MAP3K13: variants seen among roughly 807,000 people sequenced by gnomAD.
The protein encoded by MAP3K13 is mitogen-activated protein kinase kinase kinase 13.
In MAP3K13, 52 loss-of-function variants were observed where a neutral mutation model predicts 104.0. The ratio of observed to expected loss-of-function variants is 0.50; its 90% CI spans 0.40 to 0.63. The LOEUF (loss-of-function observed/expected upper bound fraction) is 0.63. Ranked by LOEUF, MAP3K13 falls within the 20% of genes least tolerant of loss-of-function variation. The pLI is 0.00. For synonymous variants in MAP3K13, 394 were observed against 442.2 expected (o/e 0.89, Z 1.37); for missense variants, 914 against 1,218.5 (o/e 0.75, Z 3.72).
chr3:185,427,372 GA>G (rs369398926), intron 1 of MAP3K13, among the ~76,000 whole-genome samples: 21 of 149,740 alleles, frequency 1.4e-4, no homozygotes, highest in East Asian at 9.8e-4. Context: ...TCAAAAAAAA[GA>G]AAAAAAAACA....
In MAP3K13 at chr3:185,397,355, G is replaced by T. The variant is rs148413641; in HGVS notation, c.-85-31142G>T. On this transcript the variant is annotated intron_variant, in intron 1 of 13. Coordinates refer to ENST00000265026, the MANE Select transcript of MAP3K13 (RefSeq NM_004721.5). ...GATGAGGAAATTGAGGCCTGGAGAG[G>T]TTAAGTGACTTGCCCAAGGCCAAAC... Among the ~76,000 whole-genome samples the T allele has an allele frequency of 4.8e-3, 726 of 152,272 alleles. 7 individuals are homozygous for T. The highest frequency in any genetic ancestry group is 0.016 in the African/African-American group (674 of 41,550).
intron 7 of MAP3K13, among the ~76,000 whole-genome samples, chr3:185,455,039 TATATATATGAGATATATGTGA>T (rs1716359715): frequency 1.0e-5 from 1 of 96,596 alleles, no homozygotes; most frequent in African/African-American, 4.3e-5. Context: ...ATATATATGA[TATATATATGAGATATATGTGA>T]GATATATATG....
At position 185,473,184 on chromosome 3, in the gene MAP3K13, C is replaced by T; in HGVS notation, c.1853C>T (p.Pro618Leu). Residue 618 changes from proline (P) to leucine (L), a missense_variant, in exon 11 of 14, where the codon CCC becomes CTC. Physicochemically the swap from Pro to Leu is moderately conservative, Grantham distance 98 (BLOSUM62 -3). Transcript: ENST00000265026. The surrounding 1 kb of genome is among the most constrained non-coding windows in gnomAD (Gnocchi z 4.9). ...NQPAQENSPH[P>L]TYLHQAQSQY... ...CCAGCCCAGGAAAATTCACCCCATC[C>T]CACTTACCTGCACCAAGCTCAATCC... 1 of 1,614,152 alleles carries T rather than the reference C, an allele frequency of 6.2e-7. No homozygotes were observed. Among genetic ancestry groups the T allele is most frequent in the Non-Finnish European group, 8.5e-7 (1 of 1,180,024 alleles).
At chr3:185,383,435 A>G (rs1033987482) in intron 1 of MAP3K13, among the ~76,000 whole-genome samples, 52 of 151,880 alleles carry the variant, frequency 3.4e-4, no homozygotes, top group Admixed American at 2.7e-3. Flanking sequence ...GGTGGCGGGC[A>G]CCTGTAGTCC....
intron 7 of MAP3K13, among the ~76,000 whole-genome samples, chr3:185,455,059 G>GAT (rs1491272637): frequency 1.1e-5 from 1 of 92,346 alleles, no homozygotes; most frequent in South Asian, 3.4e-4. Flanking sequence ...AGATATATGT[G>GAT]AGATATATAT....
At chr3:185,342,567 A>ATCAGTGAC (rs2108721925) in intron 2 of MAP3K13, among the ~76,000 whole-genome samples, 1 of 152,326 alleles carries the variant, frequency 6.6e-6, no homozygotes, top group African/African-American at 2.4e-5. Flanking sequence ...AGGTCTATAA[A>ATCAGTGAC]TCATGCTTGA....
At position 185,482,110 on chromosome 3, in the gene MAP3K13, A is replaced by G. The variant is rs901473023; in HGVS notation, c.2800-245A>G. The stretch of plus-strand genomic sequence containing the variant: ...AAATAAATAAATAAGTAAAGTACTT[A>G]CAACAGTGCCTGGAGCATAGTAAAC... On this transcript the variant is annotated intron_variant, in intron 13 of 13. Transcript: ENST00000265026. This position sits in a 1 kb window ranked among gnomAD's most constrained non-coding sequence, Gnocchi z 4.5. Among the ~76,000 whole-genome samples the G allele has an allele frequency of 1.3e-4, 20 of 152,242 alleles. No individual in the cohort carries two copies. The highest frequency in any genetic ancestry group is 3.6e-4 in the African/African-American group (15 of 41,476).
Position 185,465,831 on chromosome 3 carries a change from G to C in MAP3K13, c.1473G>C (p.Leu491=). ...ACATGGAATTGAGTGCCATCATGCTGCAGCTAGAAATGCGGGAGAAGGAGC... is the reference window on the plus strand; with the variant it reads ...ACATGGAATTGAGTGCCATCATGCTCCAGCTAGAAATGCGGGAGAAGGAGC... ...NLYMELSAIM[L]QLEMREKELI... The change falls in exon 9 of 14, where the codon CTG becomes CTC. Residue 491 remains leucine (L), a synonymous_variant. Transcript: ENST00000265026. The C allele has an allele frequency of 1.2e-6, 2 of 1,613,986 alleles. No homozygotes were observed. Among genetic ancestry groups the C allele is most frequent in the Non-Finnish European group, 1.7e-6 (2 of 1,179,854 alleles).
At position 185,305,568 on chromosome 3, in the gene MAP3K13, G is replaced by A. The variant is rs1457777099; in HGVS notation, c.-86+19925G>A. The stretch of plus-strand genomic sequence containing the variant: ...GTATTACATGATTCTGTATTTACCT[G>A]TGTATTTACCTTTACAGAGAGCTTT... On this transcript the variant is annotated intron_variant, in intron 2 of 14. Coordinates refer to the MAP3K13 transcript ENST00000424227. Among the ~76,000 whole-genome samples the A allele has an allele frequency of 2.0e-5, 3 of 152,024 alleles. No homozygotes were observed. The East Asian group carries it at 5.8e-4, about 29-fold the overall frequency.
At position 185,473,877 on chromosome 3, in the gene MAP3K13, G is replaced by C. The variant is rs1717957733; in HGVS notation, c.2430+116G>C. Reference sequence around the variant, plus strand: ...AAGTATACATTTTGTAAAAGGACAAGATAACAGAAACATAAATAGAAATTT... The same window carrying C: ...AAGTATACATTTTGTAAAAGGACAACATAACAGAAACATAAATAGAAATTT... On this transcript the variant is annotated intron_variant, in intron 11 of 13. Coordinates refer to ENST00000265026, the MANE Select transcript of MAP3K13 (RefSeq NM_004721.5). The surrounding 1 kb of genome is among the most constrained non-coding windows in gnomAD (Gnocchi z 4.9). The C allele has an allele frequency of 8.8e-7, 1 of 1,140,232 alleles. No homozygotes were observed. The highest frequency in any genetic ancestry group is 2.4e-5 in the Admixed American group (1 of 41,178). The allele number at this position is 1,140,232 out of a possible 1,614,324, so 70.6% of individuals were successfully genotyped here.
At chr3:185,448,184 A>T in intron 5 of MAP3K13, 1 of 619,002 alleles carries the variant, frequency 1.6e-6, no homozygotes, top group Admixed American at 2.6e-5. Flanking sequence ...GGGACCTCAG[A>T]GAATATGCTG....
In MAP3K13 at chr3:185,446,185, G is replaced by C. The variant is rs143410454; in HGVS notation, c.852-1604G>C. On this transcript the variant is annotated intron_variant, in intron 4 of 13. Transcript: ENST00000265026. ...TCCCTGGTTCAAATGGAGAAGCAAG[G>C]GGATAGAGTCAGATGCTTTCTGCCT... Among the ~76,000 whole-genome samples the C allele has an allele frequency of 5.2e-3, 796 of 152,180 alleles. 7 individuals carry two copies. Among genetic ancestry groups the C allele is most frequent in the African/African-American group, 0.017 (715 of 41,530 alleles).
rs1323743521 is a variant in MAP3K13 at position 185,426,949 on chromosome 3, T to C, written c.-85-1548T>C. Among the ~76,000 whole-genome samples, 3 of 152,186 alleles carry C rather than the reference T, an allele frequency of 2.0e-5. No individual in the cohort carries two copies. In the East Asian group the frequency reaches 5.8e-4, roughly 29 times the overall value. On this transcript the variant is annotated intron_variant, in intron 1 of 13. Transcript: ENST00000265026. ...TCTTTCTTTTACCCCCTCTGCAAAA[T>C]GAGGTCATCTTCATACCCTGACCTC... is the stretch of plus-strand genomic sequence containing the variant.
intron 2 of MAP3K13, among the ~76,000 whole-genome samples, chr3:185,333,647 A>G (rs2108710505): frequency 6.6e-6 from 1 of 152,294 alleles, no homozygotes; most frequent in South Asian, 2.1e-4. Context: ...TAATCCCAAC[A>G]TTTTGAGAGG....
intron 2 of MAP3K13, among the ~76,000 whole-genome samples, chr3:185,342,329 T>C (rs1385497246): frequency 6.6e-6 from 1 of 152,242 alleles, no homozygotes; most frequent in Non-Finnish European, 1.5e-5. Flanking sequence ...TATACTCATC[T>C]GTCCCTTCTG....
chr3:185,463,415 T>C (rs1159470898), intron 7 of MAP3K13, 135 bp from the exon 8 acceptor site: 2 of 573,114 alleles, frequency 3.5e-6, no homozygotes, highest in African/African-American at 3.7e-5. Flanking sequence ...TCAAATCATA[T>C]TTATTGAACA....
In MAP3K13 at chr3:185,455,626, T is replaced by TATATATATC. The variant is rs1716583778; in HGVS notation, c.1278+4239_1278+4240insCATATATAT. ...TATATCATATATATGAGATATATGA[T>TATATATATC]ATATATATGATATATATGAGATATA... On this transcript the variant is annotated intron_variant, in intron 7 of 13. Coordinates refer to ENST00000265026, the MANE Select transcript of MAP3K13 (RefSeq NM_004721.5). Among the ~76,000 whole-genome samples, 3 of 8,900 alleles carry TATATATATC rather than the reference T, an allele frequency of 3.4e-4. 1 individual carries two copies. Among genetic ancestry groups the TATATATATC allele is most frequent in the East Asian group, 4.7e-3 (2 of 430 alleles). 5.8% of individuals were successfully genotyped at this position (8,900 alleles called of 152,430 possible).
rs545474262 is a variant in MAP3K13, at chr3:185,418,150, A to G, written c.-85-10347A>G. On this transcript the variant is annotated intron_variant, in intron 1 of 13. Coordinates refer to ENST00000265026, the MANE Select transcript of MAP3K13 (RefSeq NM_004721.5). The surrounding 1 kb of genome is among the most constrained non-coding windows in gnomAD (Gnocchi z 4.5). ...GATGATACCATTATCCTCATTATAGATGATGCACAGGCCCCTGCGCTGGAT... is the reference window on the plus strand; with the variant it reads ...GATGATACCATTATCCTCATTATAGGTGATGCACAGGCCCCTGCGCTGGAT... The G allele has an allele frequency of 2.3e-4, 373 of 1,609,270 alleles. 1 individual carries two copies. The highest frequency in any genetic ancestry group is 1.3e-3 in the Middle Eastern group (6 of 4,528).
chr3:185,426,420 C>T (rs961476807), intron 1 of MAP3K13, among the ~76,000 whole-genome samples: 1 of 152,154 alleles, frequency 6.6e-6, no homozygotes, highest in East Asian at 1.9e-4. Context: ...ACAAGCTATT[C>T]ATGGGATATG....
Sources: allele counts gnomAD v4.1 joint callset (sites outside exome capture counted in the v4.1 genomes callset), GRCh38; gene constraint gnomAD v4.1.1; non-coding constraint Gnocchi (gnomAD v3.1); transcripts MANE v1.5; gene names NCBI Gene and HGNC (gene_info 2026-07-23, HGNC 2026-07-21).